The following PRMT3 variants were observed in gnomAD, a reference collection of about 807,000 sequenced individuals.
PRMT3 encodes protein arginine N-methyltransferase 3.
In PRMT3, 62 loss-of-function variants were observed where a neutral mutation model predicts 71.9. The ratio of observed to expected loss-of-function variants is 0.86; its 90% CI spans 0.70 to 1.07. PRMT3 has a LOEUF of 1.07. Ranked by LOEUF, PRMT3 falls within the 50% of genes least tolerant of loss-of-function variation. The pLI, the probability that PRMT3 is intolerant of heterozygous loss-of-function variation, is 0.00. For missense variants in PRMT3, 663 were observed against 643.0 expected (o/e 1.03, Z -0.34); for synonymous variants, 213 against 220.4 (o/e 0.97, Z 0.30).
intron 2 of PRMT3, among the ~76,000 whole-genome samples, chr11:20,389,298 C>G (rs1217684423): frequency 6.6e-6 from 1 of 152,134 alleles, no homozygotes; most frequent in African/African-American, 2.4e-5. Flanking sequence ...GGGAGTATGC[C>G]AGCTGTAAAA....
intron 10 of PRMT3, among the ~76,000 whole-genome samples, chr11:20,437,457 G>A (rs1450021759): frequency 6.6e-6 from 1 of 152,168 alleles, no homozygotes; most frequent in Non-Finnish European, 1.5e-5. Flanking sequence ...GGTGTGGTGA[G>A]TATGTTTCCA....
chr11:20,394,972 T>C (rs1228810320), intron 5 of PRMT3, among the ~76,000 whole-genome samples: 1 of 152,200 alleles, frequency 6.6e-6, no homozygotes, highest in Non-Finnish European at 1.5e-5. Flanking sequence ...CTTTGTGTAA[T>C]GGGAAGAACG....
chr11:20,392,149 A>G (rs1488808598), intron 3 of PRMT3, 62 bp from the exon 4 acceptor site: 1 of 1,482,312 alleles, frequency 6.7e-7, no homozygotes, highest in Non-Finnish European at 9.2e-7. Flanking sequence ...GCTTTATAGA[A>G]TAGGTCAGTT....
intron 11 of PRMT3, 109 bp from the exon 12 acceptor site, chr11:20,461,871 G>C: frequency 2.1e-6 from 2 of 935,454 alleles, no homozygotes; most frequent in South Asian, 3.3e-5. Flanking sequence ...ATCTCCCATT[G>C]CTAGTAATCC....
At chr11:20,450,205 A>G (rs1420347867) in intron 10 of PRMT3, among the ~76,000 whole-genome samples, 1 of 152,114 alleles carries the variant, frequency 6.6e-6, no homozygotes. Flanking sequence ...TGTTAATTTT[A>G]TTTATTTTAT....
Position 20,388,117 on chromosome 11 carries a change from C to T in PRMT3, c.127C>T (p.His43Tyr), listed in dbSNP as rs573212259. The change falls in exon 2 of 16, where the codon CAC becomes TAC. Residue 43 changes from histidine (H) to tyrosine (Y), a missense_variant. His to Tyr is a moderately conservative substitution (Grantham distance 83). Coordinates refer to ENST00000331079, the MANE Select transcript of PRMT3 (RefSeq NM_005788.4). ...GGATGAGGACGATGCAGATCTCCCCCACGGCAAGCAGCAGACCCCCTGCCT... is the reference window on the plus strand; with the variant it reads ...GGATGAGGACGATGCAGATCTCCCCTACGGCAAGCAGCAGACCCCCTGCCT... Reference protein sequence around the residue: ...WEDEDDADLPHGKQQTPCLFC... With the variant: ...WEDEDDADLPYGKQQTPCLFC... 1.2e-6 allele frequency: 2 copies of T among 1,614,008 alleles called. No homozygotes were observed. The highest frequency in any genetic ancestry group is 1.3e-5 in the African/African-American group (1 of 75,044).
chr11:20,407,950 A>C lies in PRMT3; in HGVS notation c.811A>C (p.Met271Leu), dbSNP rs201331276. 1.3e-4 allele frequency: 215 copies of C among 1,611,034 alleles called. No individual in the cohort carries two copies. Among genetic ancestry groups the C allele is most frequent in the East Asian group, 2.2e-4 (10 of 44,826 alleles). Residue 271 changes from methionine (M) to leucine (L), a missense_variant, in exon 9 of 16, where the codon ATG becomes CTG. Coordinates refer to ENST00000331079, the MANE Select transcript of PRMT3 (RefSeq NM_005788.4). ...DVGCGTGILS[M>L]FAAKAGAKKV... ...TGGGTGTGGAACTGGAATTCTCTCT[A>C]TGTTTGCTGCTAAAGCTGGGGCGAA... is the stretch of plus-strand genomic sequence containing the variant.
chr11:20,404,211 GTTTTTTTTTTTTTTTTTTTTTT>G (rs71063629), intron 8 of PRMT3, among the ~76,000 whole-genome samples: 8 of 34,338 alleles, frequency 2.3e-4, no homozygotes, highest in Admixed American at 1.3e-3. Context: ...ACTTTTCATA[GTTTTTTTTTTTTTTTTTTTTTT>G]TTTTTTTTTT....
chr11:20,423,708 G>C (rs1849475646), intron 9 of PRMT3, among the ~76,000 whole-genome samples: 1 of 151,602 alleles, frequency 6.6e-6, no homozygotes, highest in African/African-American at 2.4e-5. Context: ...AAGTATTAAA[G>C]ATTTTAAAGA....
chr11:20,469,915 T>C (rs183354221), intron 13 of PRMT3, among the ~76,000 whole-genome samples: 3 of 152,282 alleles, frequency 2.0e-5, no homozygotes, highest in African/African-American at 7.2e-5. Flanking sequence ...AATTTTTCTT[T>C]TACTACAGTT....
chr11:20,415,379 C>G (rs1565202402), intron 9 of PRMT3, among the ~76,000 whole-genome samples: 1 of 151,986 alleles, frequency 6.6e-6, no homozygotes, highest in Non-Finnish European at 1.5e-5. Flanking sequence ...CATGACCACC[C>G]ACTAGTTCAG....
At chr11:20,407,741 C>A in intron 8 of PRMT3, 170 bp from the exon 9 acceptor site, 1 of 512,988 alleles carries the variant, frequency 1.9e-6, no homozygotes, top group Non-Finnish European at 3.3e-6. Context: ...GTAATCCCAG[C>A]ACTTTGGGAG....
At chr11:20,480,960 AAC>A (rs1342254583) in intron 13 of PRMT3, among the ~76,000 whole-genome samples, 1 of 152,160 alleles carries the variant, frequency 6.6e-6, no homozygotes, top group Non-Finnish European at 1.5e-5. Flanking sequence ...AGGAAATTGA[AAC>A]ACAGTTCTGT....
chr11:20,421,854 A>G (rs1364158689), intron 9 of PRMT3, among the ~76,000 whole-genome samples: 1 of 152,218 alleles, frequency 6.6e-6, no homozygotes, highest in Non-Finnish European at 1.5e-5. Flanking sequence ...CGGTAAGATT[A>G]CATAAAGTAC....
chr11:20,472,559 T>G (rs892876055), intron 13 of PRMT3, among the ~76,000 whole-genome samples: 11 of 152,064 alleles, frequency 7.2e-5, no homozygotes, highest in African/African-American at 2.4e-4. Flanking sequence ...CTTGTGCTGC[T>G]GAATTCAGTT....
At chr11:20,423,372 T>C (rs937842688) in intron 9 of PRMT3, among the ~76,000 whole-genome samples, 1 of 152,248 alleles carries the variant, frequency 6.6e-6, no homozygotes, top group African/African-American at 2.4e-5. Flanking sequence ...AATATTGTTG[T>C]ACAGGAGTTG....
intron 13 of PRMT3, among the ~76,000 whole-genome samples, chr11:20,487,189 A>T (rs117811322): frequency 1.3e-5 from 2 of 152,226 alleles, no homozygotes. Flanking sequence ...GGCAAACAGC[A>T]AATGATCCCT....
intron 11 of PRMT3, among the ~76,000 whole-genome samples, chr11:20,459,363 T>A: frequency 6.6e-6 from 1 of 152,194 alleles, no homozygotes; most frequent in East Asian, 1.9e-4. Flanking sequence ...CGGCACTCCC[T>A]GAAGTAGGAC....
intron 10 of PRMT3, among the ~76,000 whole-genome samples, chr11:20,445,025 T>C (rs1849992246): frequency 6.6e-6 from 1 of 152,032 alleles, no homozygotes; most frequent in Non-Finnish European, 1.5e-5. Flanking sequence ...GTAATTTTCT[T>C]ATGGTTAATG....
Sources: gnomAD v4.1 joint callset for allele counts (sites outside exome capture counted in the v4.1 genomes callset) on GRCh38, gnomAD v4.1.1 for gene constraint, MANE v1.5 for transcripts, NCBI Gene and HGNC (gene_info 2026-07-23, HGNC 2026-07-21) for gene names.